The following PRRT4 variants were observed in gnomAD, a reference collection of about 807,000 sequenced individuals.
PRRT4 encodes proline rich transmembrane protein 4, also known as proline-rich transmembrane protein 4.
Under a neutral mutation model 55.6 loss-of-function variants are expected in PRRT4, and 59 were observed. That is an observed-to-expected ratio of 1.06 (90% CI 0.86 to 1.32). PRRT4 has a LOEUF of 1.32. PRRT4 is among the 40% of genes most tolerant of loss of function. The pLI is 0.00. For synonymous variants in PRRT4, 606 were observed against 601.8 expected (o/e 1.01, Z -0.10); for missense variants, 1,217 against 1,222.0 (o/e 1.00, Z 0.06).
At chr7:128,354,568 A>C (rs13241026) in intron 4 of PRRT4, among the ~76,000 whole-genome samples, 8,272 of 121,178 alleles carry the variant, frequency 0.068, 228 homozygotes, top group Non-Finnish European at 0.08. Context: ...TGGCTCAAAA[A>C]AAACACACAC....
At chr7:128,352,765 G>A in intron 4 of PRRT4, 87 bp from the exon 6 acceptor site, 1 of 1,255,608 alleles carries the variant, frequency 8.0e-7, no homozygotes, top group South Asian at 1.5e-5. Flanking sequence ...GCCAGTCAGA[G>A]TCCCCTACCG....
At chr7:128,354,563 CAAAA>C (rs66484726) in intron 4 of PRRT4, among the ~76,000 whole-genome samples, 7,020 of 147,428 alleles carry the variant, frequency 0.048, 186 homozygotes, top group Non-Finnish European at 0.059. Context: ...GACTCTGGCT[CAAAA>C]AAAACACACA....
At chr7:128,355,463 T>G (rs1797093800) in intron 4 of PRRT4, among the ~76,000 whole-genome samples, 1 of 152,216 alleles carries the variant, frequency 6.6e-6, no homozygotes, top group Non-Finnish European at 1.5e-5. Context: ...CCCAAACTGC[T>G]GGGATTACAG....
exon 2 of PRRT4, chr7:128,360,030 C>T: frequency 7.7e-7 from 1 of 1,298,924 alleles, no homozygotes; most frequent in Non-Finnish European, 9.8e-7. Flanking sequence ...TGGGCAGGGA[C>T]TCAGTTGTTC....
exon 5 of PRRT4, chr7:128,352,319 G>A (rs867959939): frequency 5.2e-6 from 8 of 1,542,132 alleles, no homozygotes; most frequent in Non-Finnish European, 7.0e-6. Flanking sequence ...GGGAAGGCCC[G>A]CGTGGTCCCG....
intron 4 of PRRT4, among the ~76,000 whole-genome samples, chr7:128,355,295 T>G (rs1465167563): frequency 6.6e-6 from 1 of 152,176 alleles, no homozygotes; most frequent in Non-Finnish European, 1.5e-5. Context: ...CCTCCCAGGT[T>G]CAAGTGATTC....
chr7:128,361,864 A>G (rs1447609029), upstream of PRRT4, among the ~76,000 whole-genome samples: 1 of 152,134 alleles, frequency 6.6e-6, no homozygotes, highest in African/African-American at 2.4e-5. Context: ...ACGCGCGCTC[A>G]TTCACCCAGC....
At chr7:128,353,258 G>A (rs1253463783) in intron 4 of PRRT4, among the ~76,000 whole-genome samples, 1 of 152,080 alleles carries the variant, frequency 6.6e-6, no homozygotes, top group Non-Finnish European at 1.5e-5. Context: ...CTAGAACCCA[G>A]GTCTGAACAT....
At chr7:128,354,324 G>T (rs1236725223) in intron 4 of PRRT4, among the ~76,000 whole-genome samples, 2 of 152,194 alleles carry the variant, frequency 1.3e-5, no homozygotes, top group African/African-American at 4.8e-5. Flanking sequence ...AGCACTTTGG[G>T]AGGCCGTGGC....
chr7:128,356,771 G>T (rs1797119950), intron 4 of PRRT4, among the ~76,000 whole-genome samples: 1 of 152,208 alleles, frequency 6.6e-6, no homozygotes, highest in Non-Finnish European at 1.5e-5. Flanking sequence ...AGATCAAAGG[G>T]CTAGGAATCA....
intron 4 of PRRT4, among the ~76,000 whole-genome samples, chr7:128,353,647 T>A (rs925696945): frequency 1.3e-5 from 2 of 152,202 alleles, no homozygotes; most frequent in East Asian, 3.9e-4. Flanking sequence ...TTAATATAGA[T>A]GGCTCCATGC....
chr7:128,361,101 TCTCACACA>T lies in PRRT4; in HGVS notation c.-73+452_-73+459del, dbSNP rs1168260867. Among the ~76,000 whole-genome samples, 44 of 118,242 alleles carry T rather than the reference TCTCACACA, an allele frequency of 3.7e-4. 1 individual carries two copies. Among genetic ancestry groups the T allele is most frequent in the African/African-American group, 7.9e-4 (21 of 26,554 alleles). The allele number at this position is 118,242 out of a possible 152,430, so 77.6% of individuals were successfully genotyped here. A position where few individuals can be genotyped will look rare whatever the true frequency, so the allele number is the denominator to read the frequency against. On this transcript the variant is annotated intron_variant, in intron 1 of 4. Coordinates refer to ENST00000535159, the Ensembl canonical transcript of PRRT4. ...GTCTCTCTCTCTCTCTCTCTCTCTC[TCTCACACA>T]CACACACACACACACACACACACAC... is the stretch of plus-strand genomic sequence containing the variant.
rs1399334475 is a variant in PRRT4, at chr7:128,352,574, C to A, written c.982G>T (p.Glu328Ter). The change falls in exon 5 of 5, where the codon GAA becomes TAA. Residue 328 changes from glutamate to a stop codon, truncating the protein, a stop_gained. Transcript: ENST00000535159. LOFTEE classifies it high-confidence loss of function. ...GGCTGCCCCTCGCGTTCAGGCAATTCTCCCACGCTGCAGGACCCTGGCCCA... is the reference window on the plus strand; with the variant it reads ...GGCTGCCCCTCGCGTTCAGGCAATTATCCCACGCTGCAGGACCCTGGCCCA... 1.3e-6 allele frequency: 2 copies of A among 1,544,474 alleles called. No individual in the cohort carries two copies. Among genetic ancestry groups the A allele is most frequent in the African/African-American group, 1.4e-5 (1 of 73,052 alleles).
rs569223173 is a variant in PRRT4, at chr7:128,359,575, G to A, written c.417C>T (p.Ser139=). ...GCTGATAGGGGGCAGTGGGCCCATC[G>A]CTGGGCCCAGAGCGCCGGGATGTGG... Residue 139 remains serine, a synonymous_variant, in exon 2 of 5, where the codon AGC becomes AGT. Transcript: ENST00000535159. The A allele has an allele frequency of 1.2e-5, 18 of 1,498,716 alleles. No individual in the cohort carries two copies. In the Admixed American group the frequency reaches 1.4e-4, roughly 12 times the overall value. The allele number at this position is 1,498,716 out of a possible 1,614,324, so 92.8% of individuals were successfully genotyped here. A position where few individuals can be genotyped will look rare whatever the true frequency, so the allele number is the denominator to read the frequency against.
chr7:128,359,356 C>T (rs1797184774), exon 2 of PRRT4: 1 of 1,474,992 alleles, frequency 6.8e-7, no homozygotes, highest in South Asian at 1.4e-5. Context: ...GTCCCAGGCG[C>T]CCAGCAATCT....
rs1249842262 is a variant in PRRT4 at position 128,352,685 on chromosome 7, G to T, written c.878-7C>A. ...GAGATGGGGACTGTGGGGTCTGTGGGCAAAGAACGTTTGGCTTGAGGCAAT... is the reference window on the plus strand; with the variant it reads ...GAGATGGGGACTGTGGGGTCTGTGGTCAAAGAACGTTTGGCTTGAGGCAAT... On this transcript the variant is annotated splice_polypyrimidine_tract_variant and splice_region_variant and intron_variant, in intron 4 of 4. Transcript: ENST00000535159. The T allele has an allele frequency of 2.0e-6, 3 of 1,516,556 alleles. No homozygotes were observed. Among genetic ancestry groups the T allele is most frequent in the Non-Finnish European group, 1.8e-6 (2 of 1,134,608 alleles). The allele number at this position is 1,516,556 out of a possible 1,614,324, so 93.9% of individuals were successfully genotyped here.
downstream of PRRT4, chr7:128,350,794 G>A (rs1319145157): frequency 3.9e-6 from 6 of 1,534,078 alleles, no homozygotes; most frequent in Non-Finnish European, 5.3e-6. Flanking sequence ...ACAGTGTGCA[G>A]GTCTCGGGCA....
intron 4 of PRRT4, among the ~76,000 whole-genome samples, chr7:128,357,860 T>C (rs1055900718): frequency 3.3e-5 from 5 of 152,148 alleles, no homozygotes; most frequent in African/African-American, 9.7e-5. Flanking sequence ...GTTTGTGTTG[T>C]CCCACCACTG....
At chr7:128,354,568 AAAACACACACACACACAC>A (rs1271917331) in intron 4 of PRRT4, among the ~76,000 whole-genome samples, 2 of 121,280 alleles carry the variant, frequency 1.6e-5, no homozygotes, top group Non-Finnish European at 3.8e-5. Context: ...TGGCTCAAAA[AAAACACACACACACACAC>A]ACACACACAC....
Sources: gnomAD v4.1 joint callset for allele counts (sites outside exome capture counted in the v4.1 genomes callset) on GRCh38, gnomAD v4.1.1 for gene constraint, MANE v1.5 for transcripts, NCBI Gene and HGNC (gene_info 2026-07-23, HGNC 2026-07-21) for gene names.